Variants in PPIL4 observed in about 807,000 individuals in gnomAD.
The protein encoded by PPIL4 is peptidylprolyl isomerase like 4.
In PPIL4, 50 loss-of-function variants were observed where a neutral mutation model predicts 69.1. The observed-to-expected ratio is 0.72, with a 90% CI of 0.58 to 0.92. The LOEUF (loss-of-function observed/expected upper bound fraction) is 0.92, where lower values mean the gene tolerates loss of function less well. Among genes scored for constraint, PPIL4 ranks in the 40% least tolerant of loss-of-function variants. The pLI, the probability that PPIL4 is intolerant of heterozygous loss-of-function variation, is 0.00. For synonymous variants in PPIL4, 193 were observed against 191.6 expected, an observed-to-expected ratio of 1.01 and a Z score of -0.06; for missense variants, 480 against 587.9, an observed-to-expected ratio of 0.82 and a Z score of 1.90.
chr6:149,515,053 G>A (rs937622490), intron 11 of PPIL4, among the ~76,000 whole-genome samples: 6 of 151,872 alleles, frequency 4.0e-5, no homozygotes, highest in African/African-American at 9.7e-5. Context: ...GGCCAGGCTG[G>A]TCTTGAACTC....
intron 8 of PPIL4, among the ~76,000 whole-genome samples, chr6:149,526,025 G>C (rs909312169): frequency 6.6e-6 from 1 of 152,084 alleles, no homozygotes; most frequent in Non-Finnish European, 1.5e-5. Flanking sequence ...CTTGAACCCG[G>C]GAGGCAGAGG....
intron 9 of PPIL4, among the ~76,000 whole-genome samples, chr6:149,523,690 C>CA (rs1383616222): frequency 7.5e-6 from 1 of 134,192 alleles, no homozygotes; most frequent in African/African-American, 2.8e-5. Context: ...AACTCTGTTT[C>CA]AAAAAAATAA....
intron 11 of PPIL4, among the ~76,000 whole-genome samples, chr6:149,513,160 C>T (rs1370134947): frequency 1.4e-5 from 2 of 147,616 alleles, no homozygotes; most frequent in East Asian, 2.0e-4. Flanking sequence ...CCAAGGCGGG[C>T]GACTCACTCG....
chr6:149,545,257 A>G (rs1777421895), intron 1 of PPIL4, among the ~76,000 whole-genome samples: 1 of 152,212 alleles, frequency 6.6e-6, no homozygotes, highest in Non-Finnish European at 1.5e-5. Context: ...TCTATATAGT[A>G]TTCGCTAGCT....
At chr6:149,532,593 C>T (rs966456035) in intron 7 of PPIL4, among the ~76,000 whole-genome samples, 1 of 152,170 alleles carries the variant, frequency 6.6e-6, no homozygotes, top group African/African-American at 2.4e-5. Context: ...TTCATTCAGA[C>T]AGTTGATGGT....
chr6:149,524,597 A>C (rs908224130), intron 9 of PPIL4, among the ~76,000 whole-genome samples: 4 of 152,190 alleles, frequency 2.6e-5, no homozygotes, highest in African/African-American at 9.6e-5. Flanking sequence ...CTTTACTTAG[A>C]ACTTAAAAAG....
At position 149,539,004 on chromosome 6, in the gene PPIL4, G is replaced by A. The variant is rs376883504; in HGVS notation, c.321+1938C>T. 3.3e-5 allele frequency among the ~76,000 whole-genome samples: 5 copies of A among 152,124 alleles called. No individual in the cohort carries two copies. In the South Asian group the frequency reaches 8.3e-4, roughly 25 times the overall value. ...TGGGACTACTGGCGCCTGCCACCAC[G>A]CCGAGCTAATTTTTGTATTTTTAGT... is the stretch of plus-strand genomic sequence containing the variant. On this transcript the variant is annotated intron_variant, in intron 4 of 12. Transcript: ENST00000253329.
rs1776750980 is a variant in PPIL4, at chr6:149,505,269, A to T, written c.*184T>A. On this transcript the variant is annotated 3_prime_UTR_variant, in exon 13 of 13. Coordinates refer to ENST00000253329, the MANE Select transcript of PPIL4 (RefSeq NM_139126.4). ...CAATAAAATTAGTGTAAAAAAGTAT[A>T]CAAAGAAAATGTTCAATTCTTTATC... 1 of 496,190 alleles carries T rather than the reference A, an allele frequency of 2.0e-6. No homozygotes were observed. Among genetic ancestry groups the T allele is most frequent in the African/African-American group, 2.0e-5 (1 of 50,404 alleles). The allele number at this position is 496,190 out of a possible 1,614,324, so 30.7% of individuals were successfully genotyped here. A position where few individuals can be genotyped will look rare whatever the true frequency, so the allele number is the denominator to read the frequency against.
intron 8 of PPIL4, among the ~76,000 whole-genome samples, chr6:149,525,784 T>C (rs1777096974): frequency 6.6e-6 from 1 of 152,142 alleles, no homozygotes; most frequent in South Asian, 2.1e-4. Flanking sequence ...TTGCCCCAAG[T>C]GTCATAAGTC....
rs1310823825 is a variant in PPIL4 at position 149,535,163 on chromosome 6, T to C, written c.465-389A>G. On this transcript the variant is annotated intron_variant, in intron 5 of 12. Coordinates refer to ENST00000253329, the MANE Select transcript of PPIL4 (RefSeq NM_139126.4). ...TGAGGTCAGGAGATCGTGACCATCC[T>C]GGCTAACATGGTGAAACCCCGTCTC... is the stretch of plus-strand genomic sequence containing the variant. 2.0e-5 allele frequency among the ~76,000 whole-genome samples: 3 copies of C among 152,318 alleles called. No individual in the cohort carries two copies. The East Asian group carries it at 5.8e-4, about 29-fold the overall frequency.
intron 10 of PPIL4, among the ~76,000 whole-genome samples, chr6:149,518,193 G>A (rs1327665518): frequency 6.6e-6 from 1 of 152,130 alleles, no homozygotes; most frequent in African/African-American, 2.4e-5. Context: ...AATCCCCTCA[G>A]GAAAATAGGA....
intron 10 of PPIL4, among the ~76,000 whole-genome samples, chr6:149,519,070 C>T (rs1480446071): frequency 6.6e-6 from 1 of 152,088 alleles, no homozygotes; most frequent in Admixed American, 6.5e-5. Context: ...CTTCTCCCTC[C>T]TATGTGACAT....
chr6:149,507,982 C>G (rs757227839), intron 12 of PPIL4, among the ~76,000 whole-genome samples: 17 of 152,040 alleles, frequency 1.1e-4, no homozygotes, highest in Non-Finnish European at 2.5e-4. Flanking sequence ...AACTGAAAAG[C>G]AAGGAAAAAT....
intron 10 of PPIL4, among the ~76,000 whole-genome samples, chr6:149,520,590 C>G (rs1777015164): frequency 6.6e-6 from 1 of 152,174 alleles, no homozygotes; most frequent in East Asian, 1.9e-4. Context: ...TGCACACACA[C>G]ACACACACAC....
In PPIL4 at chr6:149,541,369, A is replaced by C. The variant is rs761635202; in HGVS notation, c.201T>G (p.Phe67Leu). Reference sequence around the variant, plus strand: ...AATAAATAAATAAAACAACTTACCCAAAGATAGACTCTCCTCCACGGCCAG... The same window carrying C: ...AATAAATAAATAAAACAACTTACCCCAAGATAGACTCTCCTCCACGGCCAG... Reference protein sequence around the residue: ...TGTGRGGESIFGQLYGDQASF... With the variant: ...TGTGRGGESILGQLYGDQASF... Residue 67 changes from phenylalanine to leucine, a missense_variant and splice_region_variant, in exon 3 of 13, where the codon TTT (phenylalanine) becomes TTG (leucine). By Grantham distance (22) the Phe-to-Leu change is conservative (BLOSUM62 0). Coordinates refer to ENST00000253329, the MANE Select transcript of PPIL4 (RefSeq NM_139126.4). 7.6e-7 allele frequency: 1 copy of C among 1,324,110 alleles called. No homozygotes were observed. Among genetic ancestry groups the C allele is most frequent in the Admixed American group, 2.6e-5 (1 of 37,828 alleles). The allele number at this position is 1,324,110 out of a possible 1,614,324, so 82.0% of individuals were successfully genotyped here.
intron 12 of PPIL4, among the ~76,000 whole-genome samples, chr6:149,506,812 TC>T (rs1776778133): frequency 6.6e-6 from 1 of 152,134 alleles, no homozygotes; most frequent in Non-Finnish European, 1.5e-5. Context: ...CCCAGGGTGG[TC>T]TCAAACTCCT....
intron 4 of PPIL4, among the ~76,000 whole-genome samples, chr6:149,537,740 G>C (rs1374169255): frequency 3.3e-5 from 5 of 151,886 alleles, no homozygotes. Flanking sequence ...AATCTATTCT[G>C]CCTGTGCTCT....
rs536622443 is a variant in PPIL4, at chr6:149,513,170, G to A, written c.1080-868C>T. Among the ~76,000 whole-genome samples the A allele has an allele frequency of 5.7e-4, 85 of 147,854 alleles. 1 individual carries two copies. The South Asian group carries it at 6.1e-3, about 11-fold the overall frequency. ...GGAAGCCAAGGCGGGCGACTCACTC[G>A]AGGCCAGGAGTTCGAGACCAGCCTG... On this transcript the variant is annotated intron_variant, in intron 11 of 12. Transcript: ENST00000253329.
At chr6:149,526,805 T>G (rs775396648) in intron 7 of PPIL4, 29 bp from the exon 8 acceptor site, 1 of 1,603,978 alleles carries the variant, frequency 6.2e-7, no homozygotes, top group Admixed American at 1.7e-5. Flanking sequence ...AAAACATAAA[T>G]CAATTCCTAT....
Sources: allele counts gnomAD v4.1 joint callset (sites outside exome capture counted in the v4.1 genomes callset), GRCh38; gene constraint gnomAD v4.1.1; transcripts MANE v1.5; gene names NCBI Gene and HGNC (gene_info 2026-07-23, HGNC 2026-07-21).